IGF2R: variants seen among roughly 807,000 people sequenced by gnomAD.
IGF2R encodes the protein cation-independent mannose-6-phosphate receptor.
A neutral mutation model predicts 270.6 loss-of-function variants in IGF2R; 91 were observed. The observed-to-expected ratio is 0.34, with a 90% confidence interval of 0.28 to 0.40. IGF2R has a LOEUF of 0.40. IGF2R is among the 10% of genes least tolerant of loss of function. The pLI is 1.00. For synonymous variants in IGF2R, 1,316 were observed against 1,258.9 expected (o/e 1.05, Z -0.96); for missense variants, 2,805 against 3,188.3 (o/e 0.88, Z 2.90).
At chr6:160,063,373 G>C in intron 26 of IGF2R, 42 bp from the exon 27 acceptor site, 1 of 1,444,068 alleles carries the variant, frequency 6.9e-7, no homozygotes. Flanking sequence ...GTGAATGCGT[G>C]TGTGGTTGCA....
Position 160,047,863 on chromosome 6 carries a change from C to T in IGF2R, c.2301C>T (p.Cys767=), listed in dbSNP as rs200311686. Residue 767 remains cysteine (C), a synonymous_variant, in exon 17 of 48, where the codon TGC becomes TGT. Transcript: ENST00000356956. The part of the protein sequence containing the change: ...SYACPEEPLE[C]VVTDPSTLEQ... The stretch of plus-strand genomic sequence containing the variant: ...CCTGCCCGGAGGAGCCCCTGGAATG[C>T]GTAGTGACCGACCCCTCCACGCTGG... The T allele has an allele frequency of 1.7e-5, 28 of 1,613,946 alleles. No individual in the cohort carries two copies. The highest frequency in any genetic ancestry group is 6.7e-5 in the African/African-American group (5 of 75,052).
At position 160,044,544 on chromosome 6, in the gene IGF2R, T is replaced by G; in HGVS notation, c.1652T>G (p.Phe551Cys). 1 of 1,607,720 alleles carries G rather than the reference T, an allele frequency of 6.2e-7. No individual in the cohort carries two copies. Among genetic ancestry groups the G allele is most frequent in the Non-Finnish European group, 8.5e-7 (1 of 1,175,934 alleles). ...AATGGAAGTAAAAATCTGGGAAAATTTATTTCCTCTCCCATGAAAGAGAAA... is the reference window on the plus strand; with the variant it reads ...AATGGAAGTAAAAATCTGGGAAAATGTATTTCCTCTCCCATGAAAGAGAAA... ...DKNGSKNLGK[F>C]ISSPMKEKGN... is the part of the protein sequence containing the mutation. Residue 551 changes from phenylalanine to cysteine, a missense_variant, in exon 13 of 48, where the codon TTT (phenylalanine) becomes TGT (cysteine). Around this residue, in one of 2 missense-constraint regions of IGF2R, gnomAD observed 954 missense variants for 981.1 expected, o/e 0.97. Transcript: ENST00000356956.
chr6:160,080,381 C>G, intron 39 of IGF2R, 106 bp downstream of exon 39: 1 of 1,111,498 alleles, frequency 9.0e-7, no homozygotes, highest in East Asian at 2.5e-5. Context: ...GGCAGGAATT[C>G]TCTTGCATAA....
At chr6:160,071,240 TCGAGGCCCC>T (rs1778725199) in intron 31 of IGF2R, among the ~76,000 whole-genome samples, 2 of 105,922 alleles carry the variant, frequency 1.9e-5, no homozygotes, top group Non-Finnish European at 3.9e-5. Context: ...TGGGGGTGTG[TCGAGGCCCC>T]TGTGCCCAGG....
In IGF2R at chr6:160,106,148, C is replaced by A. The variant is rs1050015; in HGVS notation, c.*1064C>A. ...AAAATCATGGGCCAGAGCCTCGGCC[C>A]TAGCATTGCACTTGGCCTCATGCTG... On this transcript the variant is annotated 3_prime_UTR_variant, in exon 48 of 48. Transcript: ENST00000356956. The A allele has an allele frequency of 0.14, 21,321 of 152,462 alleles. 1,684 individuals carry two copies. Among genetic ancestry groups the A allele is most frequent in the Non-Finnish European group, 0.19 (12,715 of 68,008 alleles). 9.4% of individuals were successfully genotyped at this position (152,462 alleles called of 1,614,324 possible).
At position 160,073,971 on chromosome 6, in the gene IGF2R, C is replaced by G; in HGVS notation, c.5162C>G (p.Pro1721Arg). ...AVCKVPIDGP[P>R]IDIGRVAGPP... ...TGCAAAGTTCCTATTGATGGTCCCC[C>G]CATAGTAAGTATGACAAATCCAAGG... is the stretch of plus-strand genomic sequence containing the variant. Residue 1721 changes from proline (P) to arginine (R), a missense_variant, in exon 35 of 48, where the codon CCC becomes CGC. Around this residue, in one of 2 missense-constraint regions of IGF2R, gnomAD observed 1,851 missense variants for 2,207.2 expected, o/e 0.84. Coordinates refer to ENST00000356956, the MANE Select transcript of IGF2R (RefSeq NM_000876.4). The G allele has an allele frequency of 6.2e-7, 1 of 1,608,750 alleles. No individual in the cohort carries two copies. The highest frequency in any genetic ancestry group is 8.5e-7 in the Non-Finnish European group (1 of 1,176,462).
chr6:159,969,774 G>A (rs1783580249), intron 1 of IGF2R, among the ~76,000 whole-genome samples: 2 of 152,182 alleles, frequency 1.3e-5, no homozygotes, highest in Non-Finnish European at 1.5e-5. Context: ...CTTTGTTCCC[G>A]CTGCGCGTTT....
rs1366588708 is a variant in IGF2R at position 160,065,776 on chromosome 6, A to ATGTGTGTG, written c.4115+880_4115+881insGTGTGTGT. ...CACATAAAGCATTTTTCCTAGAGAT[A>ATGTGTGTG]TGTGTATGTGTGTGTGTGTGTGTGT... On this transcript the variant is annotated intron_variant, in intron 29 of 47. Coordinates refer to ENST00000356956, the MANE Select transcript of IGF2R (RefSeq NM_000876.4). 9.5e-4 allele frequency among the ~76,000 whole-genome samples: 104 copies of ATGTGTGTG among 109,830 alleles called. 1 individual carries two copies. Among genetic ancestry groups the ATGTGTGTG allele is most frequent in the South Asian group, 2.4e-3 (7 of 2,882 alleles). 72.1% of individuals were successfully genotyped at this position (109,830 alleles called of 152,430 possible).
At chr6:159,974,896 A>G (rs996506191) in intron 1 of IGF2R, among the ~76,000 whole-genome samples, 3 of 152,152 alleles carry the variant, frequency 2.0e-5, no homozygotes, top group South Asian at 2.1e-4. Flanking sequence ...TCTAGGATCA[A>G]TTTTTGTGGT....
rs780283630 is a variant in IGF2R, at chr6:160,072,047, G to A, written c.4570+11G>A. Reference sequence around the variant, plus strand: ...CCAACCCAAGCACAGGTGAGAGGTGGTGCCAGTCGTTAACCCCAGCGCAGG... The same window carrying A: ...CCAACCCAAGCACAGGTGAGAGGTGATGCCAGTCGTTAACCCCAGCGCAGG... On this transcript the variant is annotated intron_variant, in intron 32 of 47. Transcript: ENST00000356956. 37 of 1,613,906 alleles carry A rather than the reference G, an allele frequency of 2.3e-5. No individual in the cohort carries two copies. Among genetic ancestry groups the A allele is most frequent in the Non-Finnish European group, 3.1e-5 (37 of 1,180,002 alleles).
intron 22 of IGF2R, among the ~76,000 whole-genome samples, chr6:160,060,083 A>C (rs1408659963): frequency 6.6e-6 from 1 of 152,112 alleles, no homozygotes; most frequent in African/African-American, 2.4e-5. Flanking sequence ...ATAGGCCACC[A>C]TTGCAGTGAG....
At position 160,072,512 on chromosome 6, in the gene IGF2R, T is replaced by A. The variant is rs112177587; in HGVS notation, c.4571-253T>A. The stretch of plus-strand genomic sequence containing the variant: ...CCATGCCCACCAGACTCTTAGTGGC[T>A]GCTGTGGTATGGCCCAGCAGAGGGT... On this transcript the variant is annotated intron_variant, in intron 32 of 47. Transcript: ENST00000356956. 3.4e-4 allele frequency among the ~76,000 whole-genome samples: 52 copies of A among 152,336 alleles called. 1 individual carries two copies. The highest frequency in any genetic ancestry group is 1.2e-3 in the African/African-American group (49 of 41,586).
At position 160,050,037 on chromosome 6, in the gene IGF2R, G is replaced by A. The variant is rs867584674; in HGVS notation, c.2515-436G>A. On this transcript the variant is annotated intron_variant, in intron 18 of 47. Transcript: ENST00000356956. The surrounding 1 kb of genome is among the most constrained non-coding windows in gnomAD (Gnocchi z 4.0). ...GCAGGGTGAAGTCATCGGATGGGGA[G>A]ATGAAGAAACTGCATTTGGTTCCCT... 1.3e-5 allele frequency among the ~76,000 whole-genome samples: 2 copies of A among 152,338 alleles called. No homozygotes were observed. The highest frequency in any genetic ancestry group is 3.4e-3 in the Middle Eastern group (1 of 292).
chr6:160,096,791 G>A (rs1779371027), intron 45 of IGF2R, among the ~76,000 whole-genome samples, 166 bp downstream of exon 45: 2 of 152,194 alleles, frequency 1.3e-5, no homozygotes, highest in African/African-American at 2.4e-5. Context: ...GCCCCGCTCC[G>A]TTGCTTGTCA....
At chr6:160,096,392 G>A (rs192850815) in intron 44 of IGF2R, 47 bp from the exon 45 acceptor site, 75 of 1,557,916 alleles carry the variant, frequency 4.8e-5, no homozygotes, top group South Asian at 4.1e-4. Context: ...CAGTCTGCTC[G>A]TGAAAAATGA....
intron 18 of IGF2R, among the ~76,000 whole-genome samples, chr6:160,049,018 G>A (rs1046454504): frequency 2.0e-5 from 3 of 152,148 alleles, no homozygotes; most frequent in African/African-American, 4.8e-5. Context: ...ACATTTACCC[G>A]TCTCCTGTGG....
In IGF2R at chr6:160,058,013, T is replaced by C; in HGVS notation, c.2797-10T>C. 1 of 1,592,980 alleles carries C rather than the reference T, an allele frequency of 6.3e-7. No individual in the cohort carries two copies. Among genetic ancestry groups the C allele is most frequent in the East Asian group, 2.2e-5 (1 of 44,718 alleles). ...AATGCGCCCCTTTTTCCCCATTTTGTTTCCTGTAGGCTTGCTCTATAAGGG... is the reference window on the plus strand; with the variant it reads ...AATGCGCCCCTTTTTCCCCATTTTGCTTCCTGTAGGCTTGCTCTATAAGGG... On this transcript the variant is annotated splice_polypyrimidine_tract_variant and intron_variant, in intron 20 of 47. Coordinates refer to ENST00000356956, the MANE Select transcript of IGF2R (RefSeq NM_000876.4).
chr6:160,053,753 C>T (rs755117583), intron 19 of IGF2R, among the ~76,000 whole-genome samples: 5 of 152,272 alleles, frequency 3.3e-5, no homozygotes, highest in South Asian at 2.1e-4. Context: ...CCCAGGCTAG[C>T]GTGTAGTGGG....
intron 4 of IGF2R, among the ~76,000 whole-genome samples, chr6:160,019,920 T>C (rs1777394064): frequency 6.6e-6 from 1 of 152,180 alleles, no homozygotes; most frequent in Non-Finnish European, 1.5e-5. Flanking sequence ...GCCCACTTTT[T>C]CATCTCTCCT....
Sources: gnomAD v4.1 joint callset for allele counts (sites outside exome capture counted in the v4.1 genomes callset) on GRCh38, gnomAD v4.1.1 for gene constraint, gnomAD v4.1.1 regional missense constraint, Gnocchi (gnomAD v3.1) non-coding constraint, MANE v1.5 for transcripts, NCBI Gene and HGNC (gene_info 2026-07-23, HGNC 2026-07-21) for gene names.